TBC1D9: variants seen among roughly 807,000 people sequenced by gnomAD.
TBC1D9 encodes the protein TBC1 domain family member 9A.
In TBC1D9, 63 loss-of-function variants were observed where a neutral mutation model predicts 132.0. The ratio of observed to expected loss-of-function variants is 0.48; its 90% CI spans 0.39 to 0.59. TBC1D9 has a LOEUF of 0.59. Among genes scored for constraint, TBC1D9 ranks in the 20% least tolerant of loss-of-function variants. The pLI is 0.00. For synonymous variants in TBC1D9, 610 were observed against 609.9 expected, an observed-to-expected ratio of 1.00 and a Z score of 0.00; for missense variants, 1,261 against 1,592.7, an observed-to-expected ratio of 0.79 and a Z score of 3.54.
At chr4:140,655,550 T>C (rs942376580) in intron 13 of TBC1D9, among the ~76,000 whole-genome samples, 3 of 152,168 alleles carry the variant, frequency 2.0e-5, no homozygotes, top group African/African-American at 7.2e-5. Flanking sequence ...TTCTCAGTGA[T>C]CATTTCTATA....
rs956483016 is a variant in TBC1D9, at chr4:140,645,432, G to A, written c.2338-6004C>T. The A allele has an allele frequency of 2.5e-5, 11 of 435,056 alleles. 1 individual carries two copies. The highest frequency in any genetic ancestry group is 1.4e-4 in the East Asian group (2 of 14,484). 26.9% of individuals were successfully genotyped at this position (435,056 alleles called of 1,614,324 possible). On this transcript the variant is annotated intron_variant, in intron 13 of 20. Coordinates refer to ENST00000442267, the MANE Select transcript of TBC1D9 (RefSeq NM_015130.3). ...GCATCCAAATGCCTTGGCACTCTCC[G>A]GCCTCTCTGGGTCGCGCTTCAGCTG...
intron 3 of TBC1D9, among the ~76,000 whole-genome samples, chr4:140,685,034 GAAT>G (rs1036692429): frequency 1.5e-3 from 221 of 152,172 alleles, no homozygotes; most frequent in African/African-American, 5.2e-3. Flanking sequence ...GCTTATAGTA[GAAT>G]AATAGTTGCC....
intron 13 of TBC1D9, chr4:140,645,059 G>T: frequency 2.0e-6 from 1 of 497,058 alleles, no homozygotes. Context: ...ACCAGCAACC[G>T]GAGCCTGCCA....
At chr4:140,671,932 T>A (rs1347531298) in intron 6 of TBC1D9, among the ~76,000 whole-genome samples, 1 of 152,208 alleles carries the variant, frequency 6.6e-6, no homozygotes, top group African/African-American at 2.4e-5. Context: ...TTTCCCTTCT[T>A]CATTTCTACT....
At chr4:140,711,044 T>G (rs1272431680) in intron 1 of TBC1D9, among the ~76,000 whole-genome samples, 4 of 152,196 alleles carry the variant, frequency 2.6e-5, no homozygotes, top group Non-Finnish European at 5.9e-5. Context: ...TGTGCAGGAC[T>G]CAAATCTGCT....
intron 1 of TBC1D9, among the ~76,000 whole-genome samples, chr4:140,731,907 T>C (rs1424266426): frequency 6.6e-6 from 1 of 152,176 alleles, no homozygotes; most frequent in Non-Finnish European, 1.5e-5. Flanking sequence ...TATATTGGTG[T>C]TCCATCTGAG....
intron 6 of TBC1D9, among the ~76,000 whole-genome samples, chr4:140,674,857 C>T (rs1455307179): frequency 2.6e-5 from 4 of 151,780 alleles, no homozygotes; most frequent in South Asian, 2.1e-4. Flanking sequence ...CATCACCATC[C>T]CCAGCTAATT....
intron 1 of TBC1D9, among the ~76,000 whole-genome samples, chr4:140,744,879 T>TAAAAA (rs34469042): frequency 2.8e-5 from 3 of 107,516 alleles, no homozygotes; most frequent in East Asian, 3.0e-4. Context: ...CAAGAGTGTT[T>TAAAAA]AAAAAAAAAA....
chr4:140,688,675 G>C (rs1737826992), intron 2 of TBC1D9, among the ~76,000 whole-genome samples: 1 of 152,032 alleles, frequency 6.6e-6, no homozygotes, highest in African/African-American at 2.4e-5. Context: ...TGGAGAGAGA[G>C]AGACTCCAAC....
Position 140,668,969 on chromosome 4 carries a change from C to T in TBC1D9, c.1536G>A (p.Val512=), listed in dbSNP as rs772997602. ...GCATGCTCTCCGGGATGCCCTTCAA[C>T]ACCAGCTCCCGCGTTTTCTCTGTGC... The part of the protein sequence containing the change: ...MYRTEKTREL[V]LKGIPESMRG... The change falls in exon 9 of 21, where the codon GTG becomes GTA. Residue 512 remains valine, a synonymous_variant. Coordinates refer to ENST00000442267, the MANE Select transcript of TBC1D9 (RefSeq NM_015130.3). The T allele has an allele frequency of 1.2e-6, 2 of 1,614,024 alleles. No individual in the cohort carries two copies. The highest frequency in any genetic ancestry group is 1.3e-5 in the African/African-American group (1 of 75,070).
At chr4:140,716,807 TGTC>T (rs1738340797) in intron 1 of TBC1D9, among the ~76,000 whole-genome samples, 1 of 151,730 alleles carries the variant, frequency 6.6e-6, no homozygotes, top group Admixed American at 6.6e-5. Flanking sequence ...TTAATTATAT[TGTC>T]TACACCTAGT....
chr4:140,756,263 G>A lies in TBC1D9; in HGVS notation c.-218C>T, dbSNP rs1347357639. ...CCGGGAGGACGGTGAGGACGCGGGCGCGGCAAGCAGCATCCTCCCCGCGGC... is the reference window on the plus strand; with the variant it reads ...CCGGGAGGACGGTGAGGACGCGGGCACGGCAAGCAGCATCCTCCCCGCGGC... On this transcript the variant is annotated 5_prime_UTR_variant, in exon 1 of 21. Coordinates refer to ENST00000442267, the MANE Select transcript of TBC1D9 (RefSeq NM_015130.3). The surrounding 1 kb of genome is among the most constrained non-coding windows in gnomAD (Gnocchi z 5.6). The A allele has an allele frequency of 3.3e-6, 1 of 304,032 alleles. No homozygotes were observed. 18.8% of individuals were successfully genotyped at this position (304,032 alleles called of 1,614,324 possible). A position where few individuals can be genotyped will look rare whatever the true frequency, so the allele number is the denominator to read the frequency against.
intron 4 of TBC1D9, 45 bp downstream of exon 4, chr4:140,679,565 AACCTC>A: frequency 1.4e-6 from 2 of 1,381,358 alleles, no homozygotes; most frequent in Non-Finnish European, 2.0e-6. Context: ...GTTCAGGGCA[AACCTC>A]AGTAGACTTT....
chr4:140,709,307 C>T (rs1045442224), intron 1 of TBC1D9, among the ~76,000 whole-genome samples: 5 of 145,576 alleles, frequency 3.4e-5, no homozygotes, highest in African/African-American at 7.7e-5. Context: ...CATCATTGTT[C>T]GTCAAAAGAT....
chr4:140,744,879 T>TAAAAAAAAAAAAAAAAAAAAA, intron 1 of TBC1D9, among the ~76,000 whole-genome samples: 1 of 107,516 alleles, frequency 9.3e-6, no homozygotes, highest in Non-Finnish European at 1.8e-5. Flanking sequence ...CAAGAGTGTT[T>TAAAAAAAAAAAAAAAAAAAAA]AAAAAAAAAA....
chr4:140,737,771 C>G (rs968968343), intron 1 of TBC1D9, among the ~76,000 whole-genome samples: 1 of 152,154 alleles, frequency 6.6e-6, no homozygotes, highest in African/African-American at 2.4e-5. Flanking sequence ...CCCTGAAAAT[C>G]GCTTTGGTGG....
chr4:140,674,934 C>T (rs1307749441), intron 6 of TBC1D9, among the ~76,000 whole-genome samples: 2 of 152,012 alleles, frequency 1.3e-5, no homozygotes, highest in African/African-American at 4.8e-5. Flanking sequence ...TCTTTGAACT[C>T]CTGGCCTCAA....
chr4:140,696,584 C>G (rs1314300337), intron 2 of TBC1D9, among the ~76,000 whole-genome samples: 1 of 151,176 alleles, frequency 6.6e-6, no homozygotes, highest in African/African-American at 2.4e-5. Context: ...GTGCTTATTA[C>G]AGTGGCAGTA....
intron 13 of TBC1D9, among the ~76,000 whole-genome samples, chr4:140,654,562 G>C (rs1169525223): frequency 6.6e-6 from 1 of 152,096 alleles, no homozygotes; most frequent in African/African-American, 2.4e-5. Flanking sequence ...CCTTGGTCCA[G>C]AATTCTTTTA....
Sources: allele counts gnomAD v4.1 joint callset (sites outside exome capture counted in the v4.1 genomes callset), GRCh38; gene constraint gnomAD v4.1.1; non-coding constraint Gnocchi (gnomAD v3.1); transcripts MANE v1.5; gene names NCBI Gene and HGNC (gene_info 2026-07-23, HGNC 2026-07-21).